The following COA8 variants were observed in gnomAD, a reference collection of about 807,000 sequenced individuals.
COA8 encodes the protein UPF0671 protein C14orf153.
In COA8, 20 loss-of-function variants were observed where a neutral mutation model predicts 22.0. That is an observed-to-expected ratio of 0.91 (90% CI 0.64 to 1.32). The LOEUF (loss-of-function observed/expected upper bound fraction) is 1.32. Ranked by LOEUF, COA8 falls within the 40% of genes most tolerant of loss-of-function variation. The pLI, the probability that COA8 is intolerant of heterozygous loss-of-function variation, is 0.00. For synonymous variants in COA8, 105 were observed against 79.9 expected, an observed-to-expected ratio of 1.31 and a Z score of -1.68; for missense variants, 266 against 230.0, an observed-to-expected ratio of 1.16 and a Z score of -1.01.
intron 2 of COA8, 56 bp from the exon 3 acceptor site, chr14:103,574,050 GA>G: frequency 6.9e-7 from 1 of 1,452,888 alleles, no homozygotes. Context: ...AAGAAAAATG[GA>G]AAGACAGAGA....
At chr14:103,575,480 G>A (rs2142289816) in intron 3 of COA8, among the ~76,000 whole-genome samples, 1 of 152,318 alleles carries the variant, frequency 6.6e-6, no homozygotes, top group East Asian at 1.9e-4. Flanking sequence ...GGTGCCTGCA[G>A]TGGGAGTGGG....
At chr14:103,572,808 G>T (rs1424661872) in intron 2 of COA8, among the ~76,000 whole-genome samples, 1 of 151,602 alleles carries the variant, frequency 6.6e-6, no homozygotes, top group Non-Finnish European at 1.5e-5. Context: ...TTTTGAGACG[G>T]AGTCTCGCTC....
intron 2 of COA8, among the ~76,000 whole-genome samples, chr14:103,573,419 C>T (rs1390365552): frequency 6.6e-6 from 1 of 152,170 alleles, no homozygotes; most frequent in Non-Finnish European, 1.5e-5. Context: ...GATTCGCCTG[C>T]CTTGGCCTCC....
At chr14:103,588,480 A>AAAAAAT (rs1555414271) in intron 4 of COA8, among the ~76,000 whole-genome samples, 18 of 143,900 alleles carry the variant, frequency 1.3e-4, no homozygotes, top group South Asian at 4.3e-4. Context: ...TAATTAAAAA[A>AAAAAAT]ATATATATAT....
intron 3 of COA8, among the ~76,000 whole-genome samples, chr14:103,578,121 G>A (rs1202899000): frequency 2.5e-4 from 38 of 151,986 alleles, no homozygotes; most frequent in Non-Finnish European, 7.4e-5. Context: ...TTGAGCCCAG[G>A]GGGTGGAGGC....
chr14:103,575,210 G>T (rs1177043978), intron 3 of COA8, among the ~76,000 whole-genome samples: 5 of 152,250 alleles, frequency 3.3e-5, no homozygotes, highest in Non-Finnish European at 7.3e-5. Flanking sequence ...GTGTCCATAG[G>T]TCTGTCATCA....
chr14:103,587,056 C>A (rs1412621671), intron 3 of COA8, among the ~76,000 whole-genome samples: 1 of 152,086 alleles, frequency 6.6e-6, no homozygotes, highest in Non-Finnish European at 1.5e-5. Flanking sequence ...CAAATTTATT[C>A]CTAAGTCTTT....
Position 103,564,571 on chromosome 14 carries a change from C to CTT in COA8, c.123+1472_123+1473dup, listed in dbSNP as rs561702478. On this transcript the variant is annotated intron_variant, in intron 1 of 4. Coordinates refer to ENST00000409074, the MANE Select transcript of COA8 (RefSeq NM_001370595.2). ...GATTTCTCTATTGTCATATACACTT[C>CTT]TTTTTTTTTTTTTTTTTTTTTTTTT... Among the ~76,000 whole-genome samples, 73 of 91,464 alleles carry CTT rather than the reference C, an allele frequency of 8.0e-4. 5 individuals are homozygous for CTT. The highest frequency in any genetic ancestry group is 2.2e-3 in the African/African-American group (47 of 21,196). 60.0% of individuals were successfully genotyped at this position (91,464 alleles called of 152,430 possible). A position where few individuals can be genotyped will look rare whatever the true frequency, so the allele number is the denominator to read the frequency against.
rs2076187594 is a variant in COA8 at position 103,571,744 on chromosome 14, A to C, written c.245A>C (p.Lys82Thr). Residue 82 changes from lysine to threonine, a missense_variant, in exon 2 of 5, where the codon AAG becomes ACG. Transcript: ENST00000409074. The stretch of plus-strand genomic sequence containing the variant: ...GAAAATGAATCTCCATTGGAACAAA[A>C]GCTTAGAAAATTAAGACAAGAAACA... ...IPENESPLEQ[K>T]LRKLRQETQE... The C allele has an allele frequency of 6.2e-7, 1 of 1,614,212 alleles. No individual in the cohort carries two copies. The highest frequency in any genetic ancestry group is 1.1e-5 in the South Asian group (1 of 91,092).
chr14:103,588,612 G>A (rs1327793499), intron 4 of COA8, among the ~76,000 whole-genome samples: 1 of 152,130 alleles, frequency 6.6e-6, no homozygotes, highest in African/African-American at 2.4e-5. Context: ...GGGAGGCCAA[G>A]GCAGATGGAT....
In COA8 at chr14:103,584,396, C is replaced by T. The variant is rs940734163; in HGVS notation, c.386-2878C>T. 2.6e-5 allele frequency among the ~76,000 whole-genome samples: 4 copies of T among 152,160 alleles called. No individual in the cohort carries two copies. The East Asian group carries it at 7.7e-4, about 29-fold the overall frequency. ...ATCAAGGCTTGGTCTTTCCGGCCCC[C>T]ATCCCGAAGCAGTACAGGAGCCCAC... is the stretch of plus-strand genomic sequence containing the variant. On this transcript the variant is annotated intron_variant, in intron 3 of 4. Coordinates refer to ENST00000409074, the MANE Select transcript of COA8 (RefSeq NM_001370595.2).
At chr14:103,584,718 C>T (rs1014436043) in intron 3 of COA8, among the ~76,000 whole-genome samples, 2 of 152,252 alleles carry the variant, frequency 1.3e-5, no homozygotes, top group Non-Finnish European at 1.5e-5. Flanking sequence ...GCTATCCTAG[C>T]GGGTGTGACG....
Position 103,571,761 on chromosome 14 carries a change from C to A in COA8, c.262C>A (p.Gln88Lys). Residue 88 changes from glutamine (Q) to lysine (K), a missense_variant, in exon 2 of 5, where the codon CAA becomes AAA. By Grantham distance (53) the Gln-to-Lys change is moderately conservative. Coordinates refer to ENST00000409074, the MANE Select transcript of COA8 (RefSeq NM_001370595.2). ...PLEQKLRKLRQETQEWNQQFW... is the reference protein window; with the variant it reads ...PLEQKLRKLRKETQEWNQQFW... ...GGAACAAAAGCTTAGAAAATTAAGA[C>A]AAGAAACACAAGAATGGAATCAACA... 2 of 1,613,978 alleles carry A rather than the reference C, an allele frequency of 1.2e-6. No homozygotes were observed. The highest frequency in any genetic ancestry group is 1.1e-5 in the South Asian group (1 of 91,076).
chr14:103,573,111 TAA>T (rs2076201499), intron 2 of COA8, among the ~76,000 whole-genome samples: 2 of 151,926 alleles, frequency 1.3e-5, no homozygotes, highest in Non-Finnish European at 2.9e-5. Context: ...AGGATACTTA[TAA>T]ATAAACTGTG....
At chr14:103,579,263 C>G (rs1481231860) in intron 3 of COA8, 2 of 168,630 alleles carry the variant, frequency 1.2e-5, no homozygotes, top group Admixed American at 6.4e-5. Flanking sequence ...ACGGTTGTCC[C>G]TCCCCTATGT....
chr14:103,588,127 A>C (rs915106569), intron 4 of COA8: 75 of 311,146 alleles, frequency 2.4e-4, no homozygotes, highest in East Asian at 1.5e-3. Flanking sequence ...AAAAAAAAAA[A>C]AAAAAAAAAA....
At chr14:103,570,369 C>T (rs1274692290) in intron 1 of COA8, among the ~76,000 whole-genome samples, 1 of 152,174 alleles carries the variant, frequency 6.6e-6, no homozygotes, top group African/African-American at 2.4e-5. Flanking sequence ...CCCACTATAA[C>T]TCCCTGACAG....
At chr14:103,564,088 G>A (rs1009154451) in intron 1 of COA8, among the ~76,000 whole-genome samples, 1 of 152,068 alleles carries the variant, frequency 6.6e-6, no homozygotes, top group Non-Finnish European at 1.5e-5. Context: ...GGGAGACGGA[G>A]GTTGCTGTGA....
At chr14:103,585,371 C>T (rs1443734126) in intron 3 of COA8, among the ~76,000 whole-genome samples, 1 of 149,638 alleles carries the variant, frequency 6.7e-6, no homozygotes, top group Non-Finnish European at 1.5e-5. Flanking sequence ...CCCAGCTACT[C>T]GGGAGGCTGA....
Sources: gnomAD v4.1 joint callset for allele counts (sites outside exome capture counted in the v4.1 genomes callset) on GRCh38, gnomAD v4.1.1 for gene constraint, MANE v1.5 for transcripts, NCBI Gene and HGNC (gene_info 2026-07-23, HGNC 2026-07-21) for gene names.